Variants in TKTL1 observed in about 807,000 individuals in gnomAD.
TKTL1 encodes transketolase-like protein 1.
TKTL1 carries 1 observed loss-of-function variant against 39.3 expected under a neutral mutation model. That is an observed-to-expected ratio of 0.03 (90% CI 0.01 to 0.12). TKTL1 has a LOEUF of 0.12. Among genes scored for constraint, TKTL1 ranks in the 10% least tolerant of loss-of-function variants. The pLI, the probability that TKTL1 is intolerant of heterozygous loss-of-function variation, is 1.00. For synonymous variants in TKTL1, 262 were observed against 193.8 expected (o/e 1.35, Z -2.92); for missense variants, 575 against 509.6 (o/e 1.13, Z -1.24).
intron 1 of TKTL1, among the ~76,000 whole-genome samples, chrX:154,297,779 T>A (rs1353354574): frequency 2.7e-5 from 3 of 110,885 alleles, no homozygotes; most frequent in Non-Finnish European, 5.7e-5. Context: ...GTGCAGAATG[T>A]TACAAAAATT....
rs201077880 is a variant in TKTL1 at position 154,327,874 on chromosome X, A to G, written c.1534A>G (p.Lys512Glu). 133 of 1,209,993 alleles carry G rather than the reference A, an allele frequency of 1.1e-4. No homozygotes were observed. Among genetic ancestry groups the G allele is most frequent in the Non-Finnish European group, 1.3e-4 (118 of 895,167 alleles). Residue 512 changes from lysine to glutamate, a missense_variant, in exon 12 of 13, where the codon AAA becomes GAA. Transcript: ENST00000369915. ...CCGTGTCATCGACCTGTTTACCATTAAACCTCTGGATGTCGCCACCATCGT... is the reference window on the plus strand; with the variant it reads ...CCGTGTCATCGACCTGTTTACCATTGAACCTCTGGATGTCGCCACCATCGT... ...FIRVIDLFTIKPLDVATIVSS... is the reference protein window; with the variant it reads ...FIRVIDLFTIEPLDVATIVSS...
intron 1 of TKTL1, among the ~76,000 whole-genome samples, chrX:154,299,091 G>A (rs1352098723): frequency 1.9e-5 from 2 of 107,092 alleles, no homozygotes; most frequent in Non-Finnish European, 3.9e-5. Context: ...ATAGGTTTTG[G>A]TATTTTGTAC....
intron 1 of TKTL1, among the ~76,000 whole-genome samples, chrX:154,303,379 ATTTTTTTTTTT>A (rs1172255094): frequency 0.021 from 714 of 33,677 alleles, 15 homozygotes; most frequent in African/African-American, 0.09. Flanking sequence ...TGCCCAGCTA[ATTTTTTTTTTT>A]TTTTTTTTTT....
chrX:154,309,075 G>A (rs782108548), intron 2 of TKTL1, among the ~76,000 whole-genome samples: 5 of 111,129 alleles, frequency 4.5e-5, no homozygotes, highest in Non-Finnish European at 9.5e-5. Flanking sequence ...CCCTGGGCAG[G>A]GACAGTGGAT....
intron 5 of TKTL1, 62 bp downstream of exon 5, chrX:154,311,300 G>A: frequency 8.4e-7 from 1 of 1,194,817 alleles, no homozygotes; most frequent in Non-Finnish European, 1.1e-6. Flanking sequence ...CAGCAGCAGA[G>A]GCGGGAGAGG....
Position 154,329,747 on chromosome X carries a change from A to G in TKTL1, c.*59A>G, listed in dbSNP as rs1249320468. The G allele has an allele frequency of 1.8e-5, 20 of 1,136,319 alleles. No homozygotes were observed. Among genetic ancestry groups the G allele is most frequent in the Non-Finnish European group, 2.3e-5 (19 of 839,059 alleles). The allele number at this position is 1,136,319 out of a possible 1,213,427, so 93.6% of individuals were successfully genotyped here. A position where few individuals can be genotyped will look rare whatever the true frequency, so the allele number is the denominator to read the frequency against. On this transcript the variant is annotated 3_prime_UTR_variant, in exon 13 of 13. Coordinates refer to ENST00000369915, the MANE Select transcript of TKTL1 (RefSeq NM_012253.4). The stretch of plus-strand genomic sequence containing the variant: ...ACCCTGTGTTTATGTTTGTTCCAAA[A>G]CCATCATTTAAATCTCTACTGTCAC...
At chrX:154,312,062 T>A (rs782068267) in intron 5 of TKTL1, among the ~76,000 whole-genome samples, 1 of 112,100 alleles carries the variant, frequency 8.9e-6, no homozygotes, top group Admixed American at 9.5e-5. Context: ...CTACAGTGGA[T>A]CTGATCAGTC....
intron 10 of TKTL1, among the ~76,000 whole-genome samples, chrX:154,326,985 G>C (rs1393627458): frequency 1.8e-5 from 2 of 112,135 alleles, no homozygotes; most frequent in Non-Finnish European, 3.8e-5. Flanking sequence ...CCTATACAGA[G>C]GGGAAGTGGA....
At position 154,309,357 on chromosome X, in the gene TKTL1, G is replaced by A. The variant is rs1489957294; in HGVS notation, c.265G>A (p.Val89Met). The change falls in exon 3 of 13, where the codon GTG becomes ATG. Residue 89 changes from valine to methionine, a missense_variant. Transcript: ENST00000369915. Reference sequence around the variant, plus strand: ...CCTTCTCTTACAGAGACTGTCGTTTGTGGATGTGGCAACAGGATGGCTCGG... The same window carrying A: ...CCTTCTCTTACAGAGACTGTCGTTTATGGATGTGGCAACAGGATGGCTCGG... ...RFVLAKRLSF[V>M]DVATGWLGQG... The A allele has an allele frequency of 9.1e-6, 11 of 1,209,585 alleles. No individual in the cohort carries two copies. The Admixed American group carries it at 1.7e-4, about 19-fold the overall frequency.
chrX:154,329,717 T>C lies in TKTL1; in HGVS notation c.*29T>C. 1 of 1,191,028 alleles carries C rather than the reference T, an allele frequency of 8.4e-7. No homozygotes were observed. Among genetic ancestry groups the C allele is most frequent in the Non-Finnish European group, 1.1e-6 (1 of 878,778 alleles). On this transcript the variant is annotated 3_prime_UTR_variant, in exon 13 of 13. Transcript: ENST00000369915. The stretch of plus-strand genomic sequence containing the variant: ...AGCTGTTAGCTTTGGTCTTTTGGCC[T>C]CTTTACCCTGTGTTTATGTTTGTTC...
chrX:154,308,007 C>T (rs781850202), intron 2 of TKTL1, among the ~76,000 whole-genome samples: 14 of 111,650 alleles, frequency 1.3e-4, no homozygotes, highest in Non-Finnish European at 2.1e-4. Flanking sequence ...ATCAGAGAAT[C>T]GTAAATACCA....
chrX:154,320,945 C>T lies in TKTL1; in HGVS notation c.1186+32C>T, dbSNP rs1196629721. 3.4e-6 allele frequency: 4 copies of T among 1,183,482 alleles called. No homozygotes were observed. The African/African-American group carries it at 5.3e-5, about 16-fold the overall frequency. Reference sequence around the variant, plus strand: ...GTTCTAAATGCCATCATCTTGGTAGCCTTCCTCCTTCACAGAGAAAGATTA... The same window carrying T: ...GTTCTAAATGCCATCATCTTGGTAGTCTTCCTCCTTCACAGAGAAAGATTA... On this transcript the variant is annotated intron_variant, in intron 8 of 12. Transcript: ENST00000369915.
chrX:154,326,736 CTAA>C (rs1474191486), intron 10 of TKTL1, among the ~76,000 whole-genome samples: 1 of 112,683 alleles, frequency 8.9e-6, no homozygotes, highest in African/African-American at 3.2e-5. Flanking sequence ...CGTCTCTTTT[CTAA>C]TAATTTTCCT....
chrX:154,324,649 G>T (rs1453836980), intron 9 of TKTL1, among the ~76,000 whole-genome samples: 1 of 111,424 alleles, frequency 9.0e-6, no homozygotes, highest in Non-Finnish European at 1.9e-5. Context: ...CTTGGATGAG[G>T]GCTCCACGGC....
chrX:154,325,368 A>G lies in TKTL1; in HGVS notation c.1347A>G (p.Pro449=), dbSNP rs1235499168. Residue 449 remains proline, a synonymous_variant, in exon 10 of 13, where the codon CCA becomes CCG. Coordinates refer to ENST00000369915, the MANE Select transcript of TKTL1 (RefSeq NM_012253.4). ...KGMCFIRTTR[P]ETMVIYTPQE... ...TGTGCTTCATTCGGACCACCCGACCAGAAACTATGGTTATTTACACCCCAC... is the reference window on the plus strand; with the variant it reads ...TGTGCTTCATTCGGACCACCCGACCGGAAACTATGGTTATTTACACCCCAC... The G allele has an allele frequency of 3.3e-6, 4 of 1,210,542 alleles. No homozygotes were observed. Among genetic ancestry groups the G allele is most frequent in the African/African-American group, 1.7e-5 (1 of 57,319 alleles).
intron 6 of TKTL1, among the ~76,000 whole-genome samples, chrX:154,313,933 CAAAA>C (rs78101259): frequency 4.7e-5 from 3 of 64,323 alleles, no homozygotes; most frequent in Admixed American, 3.7e-4. Flanking sequence ...GACTCTGTCT[CAAAA>C]AAAAAAAAAA....
chrX:154,316,080 TA>T (rs2148809467), intron 7 of TKTL1, among the ~76,000 whole-genome samples: 1 of 111,767 alleles, frequency 8.9e-6, no homozygotes, highest in South Asian at 3.7e-4. Context: ...GTAGTATTTT[TA>T]AAAAAAATTT....
chrX:154,311,402 C>CT (rs1388496595), intron 5 of TKTL1, among the ~76,000 whole-genome samples, 164 bp downstream of exon 5: 1 of 112,195 alleles, frequency 8.9e-6, no homozygotes, highest in Non-Finnish European at 1.9e-5. Context: ...TTTTCACTAG[C>CT]TAGTGTCTGC....
At chrX:154,297,156 G>C (rs1190993019) in intron 1 of TKTL1, among the ~76,000 whole-genome samples, 1 of 111,824 alleles carries the variant, frequency 8.9e-6, no homozygotes, top group Non-Finnish European at 1.9e-5. Flanking sequence ...CGGGAATTGA[G>C]TACGAATTGG....
Sources: gnomAD v4.1 joint callset for allele counts (sites outside exome capture counted in the v4.1 genomes callset) on GRCh38, gnomAD v4.1.1 for gene constraint, MANE v1.5 for transcripts, NCBI Gene and HGNC (gene_info 2026-07-23, HGNC 2026-07-21) for gene names.